Variants in SHISA9 observed in about 807,000 individuals in gnomAD.
SHISA9 encodes shisa family member 9.
SHISA9 carries 13 observed loss-of-function variants against 38.0 expected under a neutral mutation model. That is an observed-to-expected ratio of 0.34 (90% confidence interval 0.22 to 0.54). The LOEUF (loss-of-function observed/expected upper bound fraction) is 0.54. Ranked by LOEUF, SHISA9 falls within the 20% of genes least tolerant of loss-of-function variation. The pLI is 0.91. For synonymous variants in SHISA9, 275 were observed against 242.0 expected (o/e 1.14, Z -1.27); for missense variants, 538 against 575.8 (o/e 0.93, Z 0.67).
intron 2 of SHISA9, among the ~76,000 whole-genome samples, chr16:13,143,020 T>TTTTATTTTATTTTATTTTA (rs2050415519): frequency 6.6e-6 from 1 of 150,836 alleles, no homozygotes; most frequent in Non-Finnish European, 1.5e-5. Flanking sequence ...TTTTATTTTA[T>TTTTATTTTATTTTATTTTA]TTTAAGACAG....
At chr16:13,215,915 G>A (rs962878235) in intron 4 of SHISA9, among the ~76,000 whole-genome samples, 8 of 152,090 alleles carry the variant, frequency 5.3e-5, no homozygotes, top group African/African-American at 1.4e-4. Flanking sequence ...GGCTGGGTGC[G>A]GTGTCTCACA....
At chr16:12,928,334 G>GTGTGTGTGTA (rs1466852467) in intron 2 of SHISA9, among the ~76,000 whole-genome samples, 1 of 151,996 alleles carries the variant, frequency 6.6e-6, no homozygotes, top group African/African-American at 2.4e-5. Context: ...GTGTGTGTAT[G>GTGTGTGTGTA]TGTGTGTGCA....
chr16:13,430,372 A>G, the SHISA9 span, among the ~76,000 whole-genome samples: 7 of 152,116 alleles, frequency 4.6e-5, no homozygotes, highest in African/African-American at 1.7e-4. Flanking sequence ...TTTAGGGACA[A>G]ATTTCATGTT....
intron 2 of SHISA9, among the ~76,000 whole-genome samples, chr16:12,929,266 T>C (rs1350588636): frequency 6.6e-6 from 1 of 152,204 alleles, no homozygotes; most frequent in African/African-American, 2.4e-5. Flanking sequence ...AAATACCATT[T>C]GACCCAGCAA....
intron 4 of SHISA9, among the ~76,000 whole-genome samples, chr16:13,218,612 C>T (rs2051193214): frequency 6.6e-6 from 1 of 152,162 alleles, no homozygotes; most frequent in Non-Finnish European, 1.5e-5. Context: ...ATCTCTGGAC[C>T]TTAGTTCCTT....
At position 12,974,293 on chromosome 16, in the gene SHISA9, T is replaced by G. The variant is rs573529600; in HGVS notation, c.691+57478T>G. On this transcript the variant is annotated intron_variant, in intron 2 of 4. Coordinates refer to ENST00000558583, the MANE Select transcript of SHISA9 (RefSeq NM_001145204.3). ...CTTTATTGATAATTTCTCTAAAATT[T>G]TATCCAATGGAAGAGAGGTAGTTCC... is the stretch of plus-strand genomic sequence containing the variant. Among the ~76,000 whole-genome samples the G allele has an allele frequency of 4.6e-5, 7 of 152,090 alleles. No homozygotes were observed. The South Asian group carries it at 1.5e-3, about 32-fold the overall frequency.
the SHISA9 span, among the ~76,000 whole-genome samples, chr16:13,351,047 T>C: frequency 6.6e-6 from 1 of 152,200 alleles, no homozygotes; most frequent in African/African-American, 2.4e-5. Flanking sequence ...TGGGCTAAAT[T>C]CTTTATGTGA....
At chr16:13,004,794 C>G (rs779917385) in intron 2 of SHISA9, among the ~76,000 whole-genome samples, 2 of 151,244 alleles carry the variant, frequency 1.3e-5, no homozygotes. Context: ...TAGCTGAACG[C>G]GGTGGTGGGC....
intron 2 of SHISA9, among the ~76,000 whole-genome samples, chr16:13,142,596 C>A (rs2050411205): frequency 6.6e-6 from 1 of 152,170 alleles, no homozygotes; most frequent in African/African-American, 2.4e-5. Context: ...CAGGCAATGC[C>A]TTCTTTCTCC....
Position 13,236,419 on chromosome 16 carries a change from C to G in SHISA9, c.*1010C>G, listed in dbSNP as rs537957243. The G allele has an allele frequency of 3.9e-5, 6 of 151,924 alleles. No individual in the cohort carries two copies. In the East Asian group the frequency reaches 1.2e-3, roughly 30 times the overall value. 9.4% of individuals were successfully genotyped at this position (151,924 alleles called of 1,614,324 possible). On this transcript the variant is annotated 3_prime_UTR_variant, in exon 5 of 5. Coordinates refer to ENST00000558583, the MANE Select transcript of SHISA9 (RefSeq NM_001145204.3). ...AGAAGCCTCTGATTTCTGGGTTTTG[C>G]CTCCAAGACCTGAAACAGCCACAGA...
the SHISA9 span, among the ~76,000 whole-genome samples, chr16:13,533,121 C>T: frequency 6.6e-6 from 1 of 152,186 alleles, no homozygotes; most frequent in Admixed American, 6.5e-5. Context: ...TCTTCTCCAC[C>T]AGTGAGACAT....
intron 2 of SHISA9, among the ~76,000 whole-genome samples, chr16:12,987,800 G>A (rs1442744807): frequency 6.6e-6 from 1 of 152,126 alleles, no homozygotes; most frequent in Admixed American, 6.6e-5. Flanking sequence ...TTGAGTACTG[G>A]CTAGGTGCTA....
At chr16:13,213,193 T>G in intron 3 of SHISA9, 60 bp from the exon 4 acceptor site, 1 of 1,466,886 alleles carries the variant, frequency 6.8e-7, no homozygotes. Context: ...TGTGAGGGCA[T>G]AGTGAACATG....
At chr16:13,152,882 G>T (rs1428000111) in intron 2 of SHISA9, among the ~76,000 whole-genome samples, 3 of 152,202 alleles carry the variant, frequency 2.0e-5, no homozygotes, top group Non-Finnish European at 2.9e-5. Context: ...AATTAAAGTT[G>T]CTAATCAGTT....
At chr16:13,346,038 G>A in the SHISA9 span, among the ~76,000 whole-genome samples, 2 of 152,114 alleles carry the variant, frequency 1.3e-5, no homozygotes, top group Non-Finnish European at 2.9e-5. Flanking sequence ...GGTAAAGCCT[G>A]GGCTTTTAGT....
rs550581032 is a variant in SHISA9 at position 13,180,496 on chromosome 16, G to C, written c.692-22898G>C. Among the ~76,000 whole-genome samples the C allele has an allele frequency of 3.2e-4, 49 of 152,276 alleles. No individual in the cohort carries two copies. In the South Asian group the frequency reaches 9.7e-3, roughly 30 times the overall value. On this transcript the variant is annotated intron_variant, in intron 2 of 4. Transcript: ENST00000558583. ...GTGGATCCCTTGAGCTCAGGAGTTCGAGACCAGCCTGAGCCACACAGTGAG... is the reference window on the plus strand; with the variant it reads ...GTGGATCCCTTGAGCTCAGGAGTTCCAGACCAGCCTGAGCCACACAGTGAG...
intron 2 of SHISA9, among the ~76,000 whole-genome samples, chr16:12,973,629 C>CT (rs1316540686): frequency 1.3e-5 from 2 of 152,102 alleles, no homozygotes; most frequent in African/African-American, 4.8e-5. Flanking sequence ...TTTTTAGTGC[C>CT]TATGAGCTAA....
intron 2 of SHISA9, among the ~76,000 whole-genome samples, chr16:13,157,423 C>T (rs1280377587): frequency 6.6e-6 from 1 of 152,192 alleles, no homozygotes; most frequent in Non-Finnish European, 1.5e-5. Context: ...GATCCCAGCT[C>T]TGCCAATTAT....
chr16:13,296,549 C>T, the SHISA9 span, among the ~76,000 whole-genome samples: 2 of 151,370 alleles, frequency 1.3e-5, no homozygotes, highest in African/African-American at 2.4e-5. Context: ...AGTAACAAGG[C>T]ATAACATGGG....
Sources: gnomAD v4.1 joint callset for allele counts (sites outside exome capture counted in the v4.1 genomes callset) on GRCh38, gnomAD v4.1.1 for gene constraint, MANE v1.5 for transcripts, NCBI Gene and HGNC (gene_info 2026-07-23, HGNC 2026-07-21) for gene names.